Variants in PHACTR1 observed in about 807,000 individuals in gnomAD.
The protein encoded by PHACTR1 is RPEL repeat containing 1.
A neutral mutation model predicts 69.2 loss-of-function variants in PHACTR1; 16 were observed. The observed-to-expected ratio is 0.23, with a 90% confidence interval of 0.16 to 0.35. The LOEUF (loss-of-function observed/expected upper bound fraction) is 0.35. Ranked by LOEUF, PHACTR1 falls within the 10% of genes least tolerant of loss-of-function variation. PHACTR1 has a pLI of 1.00. For synonymous variants in PHACTR1, 312 were observed against 284.5 expected, an observed-to-expected ratio of 1.10 and a Z score of -0.97; for missense variants, 510 against 734.7, an observed-to-expected ratio of 0.69 and a Z score of 3.54.
chr6:13,275,601 C>CAAAACATGACCACAGGAAAAAACCT lies in PHACTR1; in HGVS notation c.1448-2665_1448-2641dup, dbSNP rs1242322909. On this transcript the variant is annotated intron_variant, in intron 11 of 14. Transcript: ENST00000332995. This position sits in a 1 kb window ranked among gnomAD's most constrained non-coding sequence, Gnocchi z 4.0. The stretch of plus-strand genomic sequence containing the variant: ...AATGAGGAGGAGAGCCGGCCCCACA[C>CAAAACATGACCACAGGAAAAAACCT]AAAACATGACCACAGGAAAAAACCT... 176 of 152,286 alleles carry CAAAACATGACCACAGGAAAAAACCT rather than the reference C, an allele frequency of 1.2e-3. No homozygotes were observed. Among genetic ancestry groups the CAAAACATGACCACAGGAAAAAACCT allele is most frequent in the African/African-American group, 4.2e-3 (173 of 41,530 alleles). The allele number at this position is 152,286 out of a possible 1,614,324, so 9.4% of individuals were successfully genotyped here. A position where few individuals can be genotyped will look rare whatever the true frequency, so the allele number is the denominator to read the frequency against.
At chr6:12,930,694 G>A (rs890911476) in intron 4 of PHACTR1, among the ~76,000 whole-genome samples, 1 of 152,170 alleles carries the variant, frequency 6.6e-6, no homozygotes, top group Admixed American at 6.5e-5. Context: ...TGGGTACCAT[G>A]AATCTAAAAG....
intron 7 of PHACTR1, among the ~76,000 whole-genome samples, chr6:13,192,112 A>G (rs1393259422): frequency 1.3e-5 from 2 of 152,238 alleles, no homozygotes; most frequent in East Asian, 3.8e-4. Context: ...CAGCCCTCAT[A>G]CAATGTACAA....
At chr6:13,072,338 A>G (rs1235218531) in intron 5 of PHACTR1, among the ~76,000 whole-genome samples, 1 of 152,228 alleles carries the variant, frequency 6.6e-6, no homozygotes, top group Non-Finnish European at 1.5e-5. Flanking sequence ...CTTTACTGTC[A>G]TAATTTGGTG....
At chr6:13,154,000 C>T (rs1353049571) in intron 5 of PHACTR1, among the ~76,000 whole-genome samples, 1 of 152,106 alleles carries the variant, frequency 6.6e-6, no homozygotes, top group Non-Finnish European at 1.5e-5. Context: ...GTATAATTTA[C>T]ATACCATAAA....
intron 3 of PHACTR1, among the ~76,000 whole-genome samples, chr6:12,745,141 T>C (rs944909613): frequency 1.3e-5 from 2 of 152,190 alleles, no homozygotes; most frequent in Non-Finnish European, 2.9e-5. Flanking sequence ...TTTACTTACT[T>C]GAAAAATTTT....
At chr6:12,740,830 T>C (rs1179649750) in intron 3 of PHACTR1, among the ~76,000 whole-genome samples, 1 of 152,196 alleles carries the variant, frequency 6.6e-6, no homozygotes, top group South Asian at 2.1e-4. Context: ...ATCCTTTTAA[T>C]AGTTTTAGGA....
intron 5 of PHACTR1, among the ~76,000 whole-genome samples, chr6:13,086,930 G>C (rs1373769960): frequency 3.3e-5 from 5 of 151,802 alleles, no homozygotes; most frequent in Non-Finnish European, 5.9e-5. Flanking sequence ...TCAACACTTG[G>C]TATTATCCAT....
intron 4 of PHACTR1, among the ~76,000 whole-genome samples, chr6:12,797,008 AGT>A (rs10577949): frequency 0.28 from 38,813 of 137,906 alleles, 5,710 homozygotes; most frequent in Middle Eastern, 0.43. Flanking sequence ...GAAGCCTAGG[AGT>A]GTGTGTGTGT....
At chr6:12,825,754 G>T (rs1299357506) in intron 4 of PHACTR1, among the ~76,000 whole-genome samples, 1 of 152,000 alleles carries the variant, frequency 6.6e-6, no homozygotes, top group Non-Finnish European at 1.5e-5. Flanking sequence ...TTCACCATCA[G>T]TTCCTCTGCA....
chr6:12,778,795 C>T (rs1770425886), intron 4 of PHACTR1, among the ~76,000 whole-genome samples: 1 of 152,152 alleles, frequency 6.6e-6, no homozygotes, highest in Non-Finnish European at 1.5e-5. Context: ...AAATTCAATG[C>T]CATAAAACAC....
intron 14 of PHACTR1, 99 bp from the exon 15 acceptor site, chr6:13,286,964 T>A: frequency 9.8e-6 from 13 of 1,329,226 alleles, no homozygotes; most frequent in South Asian, 5.1e-5. Flanking sequence ...CGCACCTCCC[T>A]CTCACGGTCA....
intron 10 of PHACTR1, among the ~76,000 whole-genome samples, chr6:13,241,629 C>T (rs1359228236): frequency 6.6e-6 from 1 of 152,182 alleles, no homozygotes; most frequent in East Asian, 1.9e-4. Context: ...TCATCCAGAG[C>T]ACCAAATGAG....
At chr6:13,261,268 T>C (rs991236696) in intron 10 of PHACTR1, among the ~76,000 whole-genome samples, 8 of 152,276 alleles carry the variant, frequency 5.3e-5, no homozygotes, top group South Asian at 4.2e-4. Flanking sequence ...TGTTCGTTTG[T>C]TGTTGTTTTA....
rs896647915 is a variant in PHACTR1, at chr6:13,227,765, A to G, written c.987-51A>G. On this transcript the variant is annotated intron_variant, in intron 8 of 14. Coordinates refer to ENST00000332995, the MANE Select transcript of PHACTR1 (RefSeq NM_030948.6). ...TTTAAAATGGTTTTGATGCATTTAT[A>G]TAGCACGTTAGCCAAAGTGAATTTC... is the stretch of plus-strand genomic sequence containing the variant. 19 of 1,593,700 alleles carry G rather than the reference A, an allele frequency of 1.2e-5. No individual in the cohort carries two copies. The African/African-American group carries it at 1.6e-4, about 14-fold the overall frequency.
intron 4 of PHACTR1, among the ~76,000 whole-genome samples, chr6:12,999,464 G>A (rs1211272852): frequency 6.6e-6 from 1 of 152,146 alleles, no homozygotes; most frequent in Non-Finnish European, 1.5e-5. Context: ...GCCGGGCGTG[G>A]TGGCAGGCCC....
At chr6:13,268,395 G>A (rs1777120112) in intron 10 of PHACTR1, among the ~76,000 whole-genome samples, 1 of 152,122 alleles carries the variant, frequency 6.6e-6, no homozygotes, top group African/African-American at 2.4e-5. Flanking sequence ...CAAAATATTG[G>A]CCACCCTTCC....
chr6:13,261,492 T>C (rs1775901911), intron 10 of PHACTR1, among the ~76,000 whole-genome samples: 1 of 152,082 alleles, frequency 6.6e-6, no homozygotes, highest in Non-Finnish European at 1.5e-5. Context: ...TAAAAAAATA[T>C]TGAAAAGTTT....
chr6:13,182,249 A>G (rs1244678503), intron 6 of PHACTR1, among the ~76,000 whole-genome samples: 1 of 152,194 alleles, frequency 6.6e-6, no homozygotes, highest in Non-Finnish European at 1.5e-5. Flanking sequence ...AAGTAATAAT[A>G]ATAATACATA....
At chr6:13,197,075 A>G (rs1764540021) in intron 7 of PHACTR1, among the ~76,000 whole-genome samples, 1 of 152,228 alleles carries the variant, frequency 6.6e-6, no homozygotes, top group African/African-American at 2.4e-5. Flanking sequence ...TGCAATTTAC[A>G]AAGCACGTTC....
Sources: gnomAD v4.1 joint callset for allele counts (sites outside exome capture counted in the v4.1 genomes callset) on GRCh38, gnomAD v4.1.1 for gene constraint, Gnocchi (gnomAD v3.1) non-coding constraint, MANE v1.5 for transcripts, NCBI Gene and HGNC (gene_info 2026-07-23, HGNC 2026-07-21) for gene names.